Variants in WWOX observed in about 807,000 individuals in gnomAD.
The protein encoded by WWOX is WW domain containing oxidoreductase.
WWOX carries 69 observed loss-of-function variants against 46.2 expected under a neutral mutation model. The observed-to-expected ratio is 1.49, with a 90% CI of 1.23 to 1.82. The LOEUF is 1.82. WWOX is among the 40% of genes most tolerant of loss of function. The pLI is 0.00. For synonymous variants in WWOX, 359 were observed against 202.6 expected, an observed-to-expected ratio of 1.77 and a Z score of -6.56; for missense variants, 919 against 542.6, an observed-to-expected ratio of 1.69 and a Z score of -6.89.
chr16:78,478,307 T>C (rs2084402294), intron 8 of WWOX, among the ~76,000 whole-genome samples: 2 of 152,178 alleles, frequency 1.3e-5, no homozygotes, highest in African/African-American at 4.8e-5. Context: ...AGTGTATCCA[T>C]CTTCTCAGAC....
chr16:78,655,999 C>T (rs1053026247), intron 8 of WWOX, among the ~76,000 whole-genome samples: 5 of 152,096 alleles, frequency 3.3e-5, no homozygotes, highest in African/African-American at 1.2e-4. Context: ...AAGAGAAACA[C>T]AACATTGAGT....
intron 5 of WWOX, among the ~76,000 whole-genome samples, chr16:78,210,012 A>T (rs1227049201): frequency 6.6e-6 from 1 of 152,174 alleles, no homozygotes; most frequent in Non-Finnish European, 1.5e-5. Flanking sequence ...AGATAACTGG[A>T]AAAAAGTACG....
chr16:78,424,118 T>C (rs1239038476), intron 6 of WWOX, among the ~76,000 whole-genome samples: 3 of 142,712 alleles, frequency 2.1e-5, no homozygotes, highest in Admixed American at 2.0e-4. Flanking sequence ...TTTTTTTTTT[T>C]TGTTTTTTTT....
At chr16:79,104,696 G>A (rs2049272209) in intron 8 of WWOX, among the ~76,000 whole-genome samples, 2 of 152,144 alleles carry the variant, frequency 1.3e-5, no homozygotes, top group Admixed American at 6.6e-5. Context: ...CCGTTCCTCT[G>A]TTGATCAGTG....
intron 3 of WWOX, among the ~76,000 whole-genome samples, chr16:78,111,425 C>T (rs960809283): frequency 6.6e-6 from 1 of 152,168 alleles, no homozygotes; most frequent in Non-Finnish European, 1.5e-5. Context: ...GGCTCAGGTG[C>T]TAAAGGGACA....
intron 8 of WWOX, among the ~76,000 whole-genome samples, chr16:79,172,208 G>C (rs2050713157): frequency 6.6e-6 from 1 of 152,164 alleles, no homozygotes; most frequent in African/African-American, 2.4e-5. Context: ...TAATGCCCTT[G>C]TTTTATTTCC....
intron 4 of WWOX, among the ~76,000 whole-genome samples, chr16:78,163,778 G>A (rs2034876775): frequency 6.6e-6 from 1 of 152,160 alleles, no homozygotes; most frequent in Non-Finnish European, 1.5e-5. Flanking sequence ...CTTATCGTGG[G>A]CACAGGATCT....
intron 8 of WWOX, among the ~76,000 whole-genome samples, chr16:79,022,722 C>T (rs934055525): frequency 2.0e-4 from 31 of 152,222 alleles, no homozygotes; most frequent in African/African-American, 7.0e-4. Flanking sequence ...GGAGGGGAGG[C>T]CAAGAAGAGG....
chr16:78,935,393 G>T (rs1336145758), intron 8 of WWOX, among the ~76,000 whole-genome samples: 1 of 152,072 alleles, frequency 6.6e-6, no homozygotes, highest in Non-Finnish European at 1.5e-5. Context: ...AGAAAATGTG[G>T]CACATATACA....
intron 8 of WWOX, among the ~76,000 whole-genome samples, chr16:78,862,096 C>CTATATCTATACACACACCTA (rs1567610405): frequency 1.3e-5 from 2 of 151,918 alleles, no homozygotes; most frequent in South Asian, 2.1e-4. Context: ...ACGGGTGTGT[C>CTATATCTATACACACACCTA]TGTATCTATA....
At chr16:78,166,041 T>G (rs1201295929) in intron 5 of WWOX, among the ~76,000 whole-genome samples, 1 of 152,186 alleles carries the variant, frequency 6.6e-6, no homozygotes, top group Non-Finnish European at 1.5e-5. Context: ...ACACGCAGAA[T>G]GGGAAGGTGA....
intron 4 of WWOX, among the ~76,000 whole-genome samples, chr16:78,127,050 T>C (rs2033391718): frequency 6.6e-6 from 1 of 152,202 alleles, no homozygotes; most frequent in African/African-American, 2.4e-5. Context: ...TCTGGAAAGA[T>C]GTAGGAGAGG....
chr16:79,172,158 GC>G (rs34736240), intron 8 of WWOX, among the ~76,000 whole-genome samples: 1 of 149,634 alleles, frequency 6.7e-6, no homozygotes, highest in Non-Finnish European at 1.5e-5. Flanking sequence ...TTAGTTGTAC[GC>G]CCCATGAACT....
intron 8 of WWOX, among the ~76,000 whole-genome samples, chr16:78,678,923 A>G (rs572220620): frequency 2.6e-5 from 4 of 152,134 alleles, no homozygotes; most frequent in Non-Finnish European, 5.9e-5. Context: ...GGCACCGCAC[A>G]CTTTGTTCAG....
In WWOX at chr16:78,401,504, C is replaced by T. The variant is rs181792751; in HGVS notation, c.605+14556C>T. On this transcript the variant is annotated intron_variant, in intron 6 of 8. Coordinates refer to ENST00000566780, the MANE Select transcript of WWOX (RefSeq NM_016373.4). The stretch of plus-strand genomic sequence containing the variant: ...TGATGAAACTCGCTGTATCTTGTAA[C>T]CTGTATCCTGTCTTGGTATTGTGGG... 9.4e-3 allele frequency among the ~76,000 whole-genome samples: 1,432 copies of T among 151,864 alleles called. 78 individuals carry two copies. Among genetic ancestry groups the T allele is most frequent in the Admixed American group, 0.086 (1,311 of 15,264 alleles).
intron 8 of WWOX, among the ~76,000 whole-genome samples, chr16:78,454,315 T>C (rs928339277): frequency 7.2e-5 from 11 of 151,938 alleles, no homozygotes; most frequent in Non-Finnish European, 1.0e-4. Flanking sequence ...ACTATCTAAG[T>C]TTTTTCTGTT....
chr16:78,612,839 G>A (rs1288533370), intron 8 of WWOX, among the ~76,000 whole-genome samples: 1 of 152,118 alleles, frequency 6.6e-6, no homozygotes, highest in Non-Finnish European at 1.5e-5. Flanking sequence ...ATTGCTGTAA[G>A]GATTAGAACC....
chr16:78,960,661 G>C (rs747704894), intron 8 of WWOX, among the ~76,000 whole-genome samples: 14 of 152,300 alleles, frequency 9.2e-5, no homozygotes, highest in South Asian at 8.3e-4. Context: ...AGGGAACAGA[G>C]AGCCATCAGG....
intron 8 of WWOX, chr16:78,897,092 AAG>A (rs1483520310): frequency 6.6e-6 from 1 of 151,316 alleles, no homozygotes; most frequent in East Asian, 1.9e-4. Flanking sequence ...GAAAAAAAAA[AAG>A]AAAAAAATAG....
Sources: allele counts gnomAD v4.1 joint callset (sites outside exome capture counted in the v4.1 genomes callset), GRCh38; gene constraint gnomAD v4.1.1; transcripts MANE v1.5; gene names NCBI Gene and HGNC (gene_info 2026-07-23, HGNC 2026-07-21).